The following FAM168A variants were observed in gnomAD, a reference collection of about 807,000 sequenced individuals.
FAM168A encodes family with sequence similarity 168 member A.
A neutral mutation model predicts 28.5 loss-of-function variants in FAM168A; 3 were observed. The ratio of observed to expected loss-of-function variants is 0.11; its 90% confidence interval spans 0.05 to 0.27. FAM168A has a LOEUF of 0.27. FAM168A is among the 10% of genes least tolerant of loss of function. The probability of loss-of-function intolerance (pLI) is 1.00; values close to 1 mark genes in which losing one functional copy is unlikely to be tolerated. For synonymous variants in FAM168A, 122 were observed against 124.2 expected (o/e 0.98, Z 0.12); for missense variants, 222 against 311.5 (o/e 0.71, Z 2.16).
At chr11:73,450,466 G>A (rs1181618719) in intron 2 of FAM168A, among the ~76,000 whole-genome samples, 1 of 152,144 alleles carries the variant, frequency 6.6e-6, no homozygotes, top group Non-Finnish European at 1.5e-5. Context: ...TAGGTTTGTA[G>A]GCCCAGGGGT....
chr11:73,554,569 C>G (rs1490670334), intron 1 of FAM168A, among the ~76,000 whole-genome samples: 1 of 152,074 alleles, frequency 6.6e-6, no homozygotes. Context: ...TTTTCCATAA[C>G]AGGCATTTTT....
At chr11:73,547,085 G>GAAAAAAA (rs953416694) in intron 1 of FAM168A, among the ~76,000 whole-genome samples, 1 of 53,562 alleles carries the variant, frequency 1.9e-5, no homozygotes, top group African/African-American at 6.0e-5. Flanking sequence ...AGAAGTTCAA[G>GAAAAAAA]AAAAAAAAAA....
chr11:73,454,229 G>C (rs187057731), intron 2 of FAM168A, among the ~76,000 whole-genome samples: 23 of 152,300 alleles, frequency 1.5e-4, no homozygotes, highest in Admixed American at 9.8e-4. Flanking sequence ...ACTAAGGGAA[G>C]GAGTCAGCCA....
chr11:73,585,438 G>A (rs1425744733), intron 1 of FAM168A, among the ~76,000 whole-genome samples: 3 of 152,186 alleles, frequency 2.0e-5, no homozygotes, highest in Non-Finnish European at 4.4e-5. Context: ...GCTATTAAGA[G>A]AGTAAGCCAG....
At chr11:73,419,765 C>A in intron 4 of FAM168A, 109 bp downstream of exon 4, 2 of 1,394,938 alleles carry the variant, frequency 1.4e-6, no homozygotes, top group Non-Finnish European at 1.9e-6. Context: ...CCTCTTAAAA[C>A]ATTATTTATC....
intron 1 of FAM168A, among the ~76,000 whole-genome samples, chr11:73,475,308 T>G: frequency 6.6e-6 from 1 of 152,106 alleles, no homozygotes; most frequent in East Asian, 1.9e-4. Flanking sequence ...ATTTTTCAAA[T>G]AATTTTACCA....
intron 2 of FAM168A, among the ~76,000 whole-genome samples, chr11:73,443,952 G>T (rs957106681): frequency 6.6e-6 from 1 of 152,120 alleles, no homozygotes; most frequent in Non-Finnish European, 1.5e-5. Flanking sequence ...TTACTTCGTA[G>T]AGACCCATCT....
At chr11:73,516,056 G>A (rs1237399102) in intron 1 of FAM168A, among the ~76,000 whole-genome samples, 6 of 150,578 alleles carry the variant, frequency 4.0e-5, no homozygotes, top group South Asian at 2.1e-4. Context: ...AGCCGAGATC[G>A]TGCCACTGCA....
At chr11:73,548,193 C>CT (rs1943783588) in intron 1 of FAM168A, among the ~76,000 whole-genome samples, 1 of 151,950 alleles carries the variant, frequency 6.6e-6, no homozygotes, top group Non-Finnish European at 1.5e-5. Context: ...TACTACTAAA[C>CT]TATACACTTA....
intron 2 of FAM168A, among the ~76,000 whole-genome samples, chr11:73,450,872 AAGTCTAC>A (rs1867415243): frequency 6.6e-6 from 1 of 152,206 alleles, no homozygotes; most frequent in African/African-American, 2.4e-5. Flanking sequence ...AAGAAAGGAC[AAGTCTAC>A]AGTGGAGGTT....
intron 1 of FAM168A, among the ~76,000 whole-genome samples, chr11:73,539,591 A>C (rs1483556996): frequency 2.6e-5 from 4 of 152,086 alleles, no homozygotes; most frequent in Non-Finnish European, 4.4e-5. Flanking sequence ...ACTAGACAAG[A>C]AGCTCTTACT....
At chr11:73,521,098 T>A (rs1214157946) in intron 1 of FAM168A, among the ~76,000 whole-genome samples, 1 of 152,210 alleles carries the variant, frequency 6.6e-6, no homozygotes, top group Non-Finnish European at 1.5e-5. Context: ...AGGAAATATA[T>A]GTGCTATCAT....
rs75884064 is a variant in FAM168A at position 73,566,930 on chromosome 11, A to C, written c.-19+30993T>G. On this transcript the variant is annotated intron_variant, in intron 1 of 7. Coordinates refer to ENST00000356467, the MANE Select transcript of FAM168A (RefSeq NM_015159.3). ...AGATTTTTAAAAATAAAATAAGGCC[A>C]TGTTTGCCAAGTTGAGAAGGGAAGA... 9.8e-3 allele frequency among the ~76,000 whole-genome samples: 1,496 copies of C among 152,330 alleles called. 29 individuals are homozygous for C. The highest frequency in any genetic ancestry group is 0.034 in the African/African-American group (1,395 of 41,566).
intron 4 of FAM168A, among the ~76,000 whole-genome samples, chr11:73,414,141 C>T (rs1175391320): frequency 6.6e-6 from 1 of 152,166 alleles, no homozygotes; most frequent in Non-Finnish European, 1.5e-5. Context: ...ATTAATTTTA[C>T]CACAGAATCT....
At chr11:73,433,215 A>AT (rs941946938) in intron 2 of FAM168A, among the ~76,000 whole-genome samples, 4 of 144,662 alleles carry the variant, frequency 2.8e-5, no homozygotes, top group Non-Finnish European at 4.5e-5. Flanking sequence ...GCATTTTCCC[A>AT]TTTTTTCATT....
At chr11:73,538,403 G>A (rs1943610035) in intron 1 of FAM168A, among the ~76,000 whole-genome samples, 1 of 151,586 alleles carries the variant, frequency 6.6e-6, no homozygotes, top group Non-Finnish European at 1.5e-5. Context: ...GCTCTTCAGA[G>A]CCCTGACTAA....
At chr11:73,486,230 A>C (rs563295702) in intron 1 of FAM168A, among the ~76,000 whole-genome samples, 6 of 152,286 alleles carry the variant, frequency 3.9e-5, no homozygotes, top group Non-Finnish European at 7.3e-5. Context: ...TACTTTAATC[A>C]TTTTAAAGTG....
intron 1 of FAM168A, among the ~76,000 whole-genome samples, chr11:73,578,859 T>A (rs954303132): frequency 2.0e-5 from 3 of 152,214 alleles, no homozygotes; most frequent in Non-Finnish European, 4.4e-5. Context: ...GTATTCACCT[T>A]CTCATTTATA....
At chr11:73,564,787 C>G (rs1282109803) in intron 1 of FAM168A, among the ~76,000 whole-genome samples, 4 of 147,044 alleles carry the variant, frequency 2.7e-5, no homozygotes, top group Non-Finnish European at 6.0e-5. Flanking sequence ...TAGCTCTAGT[C>G]TAAAAGAAAC....
Sources: gnomAD v4.1 joint callset for allele counts (sites outside exome capture counted in the v4.1 genomes callset) on GRCh38, gnomAD v4.1.1 for gene constraint, MANE v1.5 for transcripts, NCBI Gene and HGNC (gene_info 2026-07-23, HGNC 2026-07-21) for gene names.